The following CCDC180 variants were observed in gnomAD, a reference collection of about 807,000 sequenced individuals.
CCDC180 encodes coiled-coil domain-containing protein 180.
In CCDC180, 154 loss-of-function variants were observed where a neutral mutation model predicts 209.2. The observed-to-expected ratio is 0.74, with a 90% CI of 0.65 to 0.84. CCDC180 has a LOEUF of 0.84. CCDC180 is among the 40% of genes least tolerant of loss of function. CCDC180 has a pLI of 0.00. For missense variants in CCDC180, 1,874 were observed against 1,997.3 expected (o/e 0.94, Z 1.18); for synonymous variants, 778 against 749.1 (o/e 1.04, Z -0.63).
intron 19 of CCDC180, among the ~76,000 whole-genome samples, chr9:97,344,378 A>G (rs1197626179): frequency 6.6e-6 from 1 of 152,158 alleles, no homozygotes; most frequent in Non-Finnish European, 1.5e-5. Context: ...GCAGCATCTC[A>G]CCTTGGAAAT....
intron 31 of CCDC180, among the ~76,000 whole-genome samples, chr9:97,367,889 G>A (rs1447790691): frequency 1.3e-5 from 2 of 152,314 alleles, no homozygotes; most frequent in South Asian, 2.1e-4. Context: ...ATTAAGCAGC[G>A]ATAGTGCTCA....
Position 97,313,233 on chromosome 9 carries a change from C to T in CCDC180, c.350-3C>T. 6.2e-7 allele frequency: 1 copy of T among 1,603,878 alleles called. No individual in the cohort carries two copies. The highest frequency in any genetic ancestry group is 2.2e-5 in the East Asian group (1 of 44,604). ...CCTCATCACCTCTGTTGTTGCTCCGCAGTTCCTGAGAAGATAAGCACCAGC... is the reference window on the plus strand; with the variant it reads ...CCTCATCACCTCTGTTGTTGCTCCGTAGTTCCTGAGAAGATAAGCACCAGC... On this transcript the variant is annotated splice_polypyrimidine_tract_variant and splice_region_variant and intron_variant, in intron 4 of 36. Coordinates refer to ENST00000529487, the MANE Select transcript of CCDC180 (RefSeq NM_020893.6).
Position 97,377,041 on chromosome 9 carries a change from G to A in CCDC180, c.*147G>A. On this transcript the variant is annotated 3_prime_UTR_variant, in exon 37 of 37. Transcript: ENST00000529487. ...GGCACTGTAGCTTTACCAGCGAACA[G>A]GACACAGCATGGTCCCTGCCCACGT... The A allele has an allele frequency of 1.2e-6, 1 of 865,046 alleles. No homozygotes were observed. Among genetic ancestry groups the A allele is most frequent in the South Asian group, 1.9e-5 (1 of 53,656 alleles). 53.6% of individuals were successfully genotyped at this position (865,046 alleles called of 1,614,324 possible). A position where few individuals can be genotyped will look rare whatever the true frequency, so the allele number is the denominator to read the frequency against.
intron 19 of CCDC180, among the ~76,000 whole-genome samples, chr9:97,345,195 T>C (rs1826214477): frequency 6.6e-6 from 1 of 152,254 alleles, no homozygotes; most frequent in African/African-American, 2.4e-5. Context: ...TATGTATATG[T>C]TTCTGTTACA....
At chr9:97,335,206 T>C (rs767698945) in intron 18 of CCDC180, among the ~76,000 whole-genome samples, 36 of 152,144 alleles carry the variant, frequency 2.4e-4, no homozygotes, top group Non-Finnish European at 4.0e-4. Flanking sequence ...TACTTTAAGT[T>C]CTAGGGTACA....
At chr9:97,315,289 G>A (rs779858997) in intron 8 of CCDC180, among the ~76,000 whole-genome samples, 5 of 152,120 alleles carry the variant, frequency 3.3e-5, no homozygotes, top group Non-Finnish European at 5.9e-5. Flanking sequence ...TGCAATAGGC[G>A]CTACACTATG....
At chr9:97,369,779 CTT>C in intron 31 of CCDC180, 141 bp from the exon 32 acceptor site, 1 of 843,556 alleles carries the variant, frequency 1.2e-6, no homozygotes, top group East Asian at 2.6e-5. Flanking sequence ...CTCAGGACCT[CTT>C]TTGATGGAAT....
chr9:97,369,419 T>TTTATG (rs3052478), intron 31 of CCDC180: 15,776 of 130,390 alleles, frequency 0.12, 931 homozygotes, highest in South Asian at 0.15. Context: ...AAGCCTTTAT[T>TTTATG]TTATGTTATG....
In CCDC180 at chr9:97,357,610, A is replaced by G; in HGVS notation, c.3265-17A>G. 7 of 1,571,428 alleles carry G rather than the reference A, an allele frequency of 4.5e-6. No individual in the cohort carries two copies. Among genetic ancestry groups the G allele is most frequent in the Non-Finnish European group, 6.1e-6 (7 of 1,143,880 alleles). ...ATGTATTCTAGAAACAAAATCTCGG[A>G]ACCTCTGGTTTTCTAGGTGGCAAAA... On this transcript the variant is annotated splice_polypyrimidine_tract_variant and intron_variant, in intron 24 of 36. Coordinates refer to ENST00000529487, the MANE Select transcript of CCDC180 (RefSeq NM_020893.6).
At chr9:97,338,892 G>A (rs1294781448) in intron 18 of CCDC180, among the ~76,000 whole-genome samples, 2 of 152,170 alleles carry the variant, frequency 1.3e-5, no homozygotes, top group Non-Finnish European at 2.9e-5. Context: ...TTGTTGAATT[G>A]ATCCCTTTAC....
At chr9:97,341,679 A>C (rs781346554) in intron 18 of CCDC180, among the ~76,000 whole-genome samples, 1 of 152,170 alleles carries the variant, frequency 6.6e-6, no homozygotes, top group African/African-American at 2.4e-5. Flanking sequence ...TCGGAGCTCA[A>C]ACACTGTGCT....
intron 24 of CCDC180, 138 bp downstream of exon 24, chr9:97,355,146 T>C (rs1826541931): frequency 4.8e-6 from 3 of 619,658 alleles, no homozygotes; most frequent in African/African-American, 1.9e-5. Context: ...ACAGACACAA[T>C]CTTTTTTTTC....
intron 31 of CCDC180, among the ~76,000 whole-genome samples, chr9:97,367,509 C>T (rs945342159): frequency 1.7e-4 from 25 of 151,382 alleles, no homozygotes; most frequent in Non-Finnish European, 3.2e-4. Flanking sequence ...CTCTGTTGCC[C>T]AGGCTGGAGT....
At chr9:97,336,837 T>C (rs1033315854) in intron 18 of CCDC180, among the ~76,000 whole-genome samples, 8 of 152,116 alleles carry the variant, frequency 5.3e-5, no homozygotes, top group Non-Finnish European at 1.2e-4. Flanking sequence ...CTTTTATTTC[T>C]TTGAGCAGTG....
At chr9:97,367,975 G>A (rs1277632738) in intron 31 of CCDC180, among the ~76,000 whole-genome samples, 3 of 152,128 alleles carry the variant, frequency 2.0e-5, no homozygotes, top group Admixed American at 6.5e-5. Context: ...TTTCCCCCAA[G>A]TGATCTCTGG....
chr9:97,317,132 C>T lies in CCDC180; in HGVS notation c.863C>T (p.Ser288Phe). Reference sequence around the variant, plus strand: ...CAGCTGTTTGTCAACCTGATGGAGTCCACCCTGCAGCAGGAGCTGGACAGC... The same window carrying T: ...CAGCTGTTTGTCAACCTGATGGAGTTCACCCTGCAGCAGGAGCTGGACAGC... ...LAQLFVNLME[S>F]TLQQELDSRH... The change falls in exon 9 of 37, where the codon TCC becomes TTC. Residue 288 changes from serine (S) to phenylalanine (F), a missense_variant. By Grantham distance (155) the Ser-to-Phe change is radical. Transcript: ENST00000529487. The T allele has an allele frequency of 3.1e-6, 5 of 1,613,418 alleles. No homozygotes were observed. The highest frequency in any genetic ancestry group is 3.4e-6 in the Non-Finnish European group (4 of 1,179,884).
chr9:97,353,950 GC>G (rs1206205419), intron 22 of CCDC180, among the ~76,000 whole-genome samples: 1 of 150,832 alleles, frequency 6.6e-6, no homozygotes, highest in Non-Finnish European at 1.5e-5. Flanking sequence ...TTCTGGTGCT[GC>G]CCACATTCCA....
intron 25 of CCDC180, among the ~76,000 whole-genome samples, chr9:97,358,275 C>T (rs1202239531): frequency 6.6e-6 from 1 of 152,092 alleles, no homozygotes; most frequent in Middle Eastern, 3.2e-3. Context: ...CACCTGCCAC[C>T]ATACCCGGCT....
chr9:97,332,843 T>C (rs1017736056), intron 18 of CCDC180, among the ~76,000 whole-genome samples: 1 of 152,200 alleles, frequency 6.6e-6, no homozygotes, highest in Non-Finnish European at 1.5e-5. Flanking sequence ...CCTCTCTTCC[T>C]ATTTGGATGC....
Sources: allele counts gnomAD v4.1 joint callset (sites outside exome capture counted in the v4.1 genomes callset), GRCh38; gene constraint gnomAD v4.1.1; transcripts MANE v1.5; gene names NCBI Gene and HGNC (gene_info 2026-07-23, HGNC 2026-07-21).